The following TAF4B variants were observed in gnomAD, a reference collection of about 807,000 sequenced individuals.
The protein encoded by TAF4B is TATA-box binding protein associated factor 4b, also known as transcription initiation factor TFIID subunit 4B.
In TAF4B, 38 loss-of-function variants were observed where a neutral mutation model predicts 86.4. The observed-to-expected ratio is 0.44, with a 90% CI of 0.34 to 0.58. The LOEUF (loss-of-function observed/expected upper bound fraction) is 0.58, where lower values mean the gene tolerates loss of function less well. Ranked by LOEUF, TAF4B falls within the 20% of genes least tolerant of loss-of-function variation. The pLI, the probability that TAF4B is intolerant of heterozygous loss-of-function variation, is 0.02. For synonymous variants in TAF4B, 388 were observed against 391.2 expected (o/e 0.99, Z 0.10); for missense variants, 988 against 1,027.6 (o/e 0.96, Z 0.53).
chr18:26,365,312 T>C (rs1567924268), intron 14 of TAF4B, among the ~76,000 whole-genome samples: 1 of 152,200 alleles, frequency 6.6e-6, no homozygotes, highest in Non-Finnish European at 1.5e-5. Flanking sequence ...TGGCCTATAA[T>C]TCTGTTCTTG....
At chr18:26,361,441 A>G (rs576568545) in intron 14 of TAF4B, among the ~76,000 whole-genome samples, 76 of 151,372 alleles carry the variant, frequency 5.0e-4, no homozygotes, top group Non-Finnish European at 9.1e-4. Context: ...TTAATATAAT[A>G]TGTTTGAAAT....
At chr18:26,264,961 G>A (rs2056217750) in intron 1 of TAF4B, among the ~76,000 whole-genome samples, 1 of 152,186 alleles carries the variant, frequency 6.6e-6, no homozygotes, top group Non-Finnish European at 1.5e-5. Flanking sequence ...TTCTTCAGGA[G>A]CATCTCATTA....
intron 14 of TAF4B, among the ~76,000 whole-genome samples, chr18:26,382,983 G>A (rs537755627): frequency 1.3e-5 from 2 of 152,284 alleles, no homozygotes; most frequent in Non-Finnish European, 2.9e-5. Context: ...AGATGATGTG[G>A]CAATAAGGAT....
intron 13 of TAF4B, among the ~76,000 whole-genome samples, chr18:26,336,243 T>C (rs1054648831): frequency 1.3e-5 from 2 of 152,226 alleles, no homozygotes; most frequent in African/African-American, 4.8e-5. Flanking sequence ...TTGTGCTAAA[T>C]AAGAGTGATT....
At chr18:26,366,868 A>G (rs1444905870) in intron 14 of TAF4B, among the ~76,000 whole-genome samples, 4 of 152,198 alleles carry the variant, frequency 2.6e-5, no homozygotes, top group African/African-American at 4.8e-5. Context: ...TAATAATCAC[A>G]GTTTAGCTTT....
intron 1 of TAF4B, among the ~76,000 whole-genome samples, chr18:26,235,060 A>T (rs2144436306): frequency 6.6e-6 from 1 of 152,284 alleles, no homozygotes; most frequent in Middle Eastern, 3.4e-3. Context: ...CATGAGTTAG[A>T]GTAAGTGCTC....
chr18:26,293,693 T>C (rs1232121180), intron 9 of TAF4B, among the ~76,000 whole-genome samples, 162 bp downstream of exon 9: 2 of 152,180 alleles, frequency 1.3e-5, no homozygotes, highest in African/African-American at 4.8e-5. Context: ...TGCACAACTA[T>C]TAAATGTACA....
chr18:26,286,376 T>A lies in TAF4B; in HGVS notation c.1467T>A (p.Ser489=). 2 of 1,614,252 alleles carry A rather than the reference T, an allele frequency of 1.2e-6. No individual in the cohort carries two copies. Among genetic ancestry groups the A allele is most frequent in the African/African-American group, 1.3e-5 (1 of 75,066 alleles). ...TTCCATCTGTGAAACCTGTTGTTTC[T>A]TCTGCTGGGACCACATCTGACAAGC... ...ICLPSVKPVV[S]SAGTTSDKPV... The change falls in exon 7 of 15, where the codon TCT becomes TCA. Residue 489 remains serine (S), a synonymous_variant. Transcript: ENST00000269142.
chr18:26,273,909 T>C (rs1466502037), intron 3 of TAF4B, among the ~76,000 whole-genome samples: 1 of 152,248 alleles, frequency 6.6e-6, no homozygotes, highest in South Asian at 2.1e-4. Context: ...GTTTTCTGTG[T>C]GAATTGTATG....
chr18:26,271,998 A>G (rs2056325371), intron 3 of TAF4B, among the ~76,000 whole-genome samples: 1 of 151,006 alleles, frequency 6.6e-6, no homozygotes, highest in Non-Finnish European at 1.5e-5. Flanking sequence ...GAAAAAAAAA[A>G]CTCAGCAAAG....
In TAF4B at chr18:26,281,919, CTT is replaced by C. The variant is rs2056454477; in HGVS notation, c.883-49_883-48del. The C allele has an allele frequency of 3.7e-6, 5 of 1,356,052 alleles. No individual in the cohort carries two copies. The Admixed American group carries it at 9.1e-5, about 25-fold the overall frequency. The allele number at this position is 1,356,052 out of a possible 1,614,324, so 84.0% of individuals were successfully genotyped here. ...CAATCATGAATTATATACTTTGTCT[CTT>C]TTAAAAGATTTGTAGACTTAAAATT... On this transcript the variant is annotated intron_variant, in intron 5 of 14. Coordinates refer to ENST00000269142, the MANE Select transcript of TAF4B (RefSeq NM_005640.3).
chr18:26,345,790 GA>G (rs2057172813), intron 13 of TAF4B, among the ~76,000 whole-genome samples: 1 of 152,110 alleles, frequency 6.6e-6, no homozygotes, highest in Non-Finnish European at 1.5e-5. Context: ...AAATACCCAT[GA>G]AAAGGAACAC....
At chr18:26,344,371 A>G (rs868018446) in intron 13 of TAF4B, among the ~76,000 whole-genome samples, 1 of 150,496 alleles carries the variant, frequency 6.6e-6, no homozygotes, top group South Asian at 2.1e-4. Flanking sequence ...TTTTTTTTTA[A>G]AAAAAAAGGG....
Position 26,391,046 on chromosome 18 carries a change from A to G in TAF4B, c.*1034A>G, listed in dbSNP as rs1978678513. ...TTAAGCATGTTGGCACATTTAAAAAATCCTAATTGATGATGAGAAATTTTT... is the reference window on the plus strand; with the variant it reads ...TTAAGCATGTTGGCACATTTAAAAAGTCCTAATTGATGATGAGAAATTTTT... On this transcript the variant is annotated 3_prime_UTR_variant, in exon 15 of 15. Transcript: ENST00000269142. 6.6e-6 allele frequency: 1 copy of G among 152,200 alleles called. No homozygotes were observed. The highest frequency in any genetic ancestry group is 6.5e-5 in the Admixed American group (1 of 15,280). The allele number at this position is 152,200 out of a possible 1,614,324, so 9.4% of individuals were successfully genotyped here.
intron 8 of TAF4B, 63 bp downstream of exon 8, chr18:26,292,444 C>CT: frequency 6.6e-7 from 1 of 1,526,178 alleles, no homozygotes; most frequent in Non-Finnish European, 8.8e-7. Context: ...TTTTGTATAA[C>CT]TTTTTTGTTG....
intron 3 of TAF4B, 47 bp downstream of exon 3, chr18:26,267,670 A>T (rs1466313696): frequency 2.2e-6 from 3 of 1,353,364 alleles, no homozygotes; most frequent in South Asian, 2.4e-5. Flanking sequence ...CTTAACTTTT[A>T]AAAAAATCAT....
chr18:26,355,026 A>T (rs1232652916), intron 13 of TAF4B, among the ~76,000 whole-genome samples: 2 of 152,182 alleles, frequency 1.3e-5, no homozygotes, highest in Non-Finnish European at 2.9e-5. Context: ...TGGACACAGC[A>T]TGTCTCTCCA....
chr18:26,317,286 C>G (rs1239309297), intron 10 of TAF4B, among the ~76,000 whole-genome samples: 1 of 152,122 alleles, frequency 6.6e-6, no homozygotes, highest in African/African-American at 2.4e-5. Context: ...CCGCCTTGGC[C>G]TCCCGAAATG....
chr18:26,344,572 G>A (rs2057161464), intron 13 of TAF4B, among the ~76,000 whole-genome samples: 1 of 152,188 alleles, frequency 6.6e-6, no homozygotes, highest in South Asian at 2.1e-4. Context: ...TATTCACAAT[G>A]AAGTCAGATG....
Sources: allele counts gnomAD v4.1 joint callset (sites outside exome capture counted in the v4.1 genomes callset), GRCh38; gene constraint gnomAD v4.1.1; transcripts MANE v1.5; gene names NCBI Gene and HGNC (gene_info 2026-07-23, HGNC 2026-07-21).